PTPRD: variants seen among roughly 807,000 people sequenced by gnomAD.
The protein encoded by PTPRD is receptor-type tyrosine-protein phosphatase delta.
PTPRD carries 34 observed loss-of-function variants against 214.5 expected under a neutral mutation model. The observed-to-expected ratio is 0.16, with a 90% CI of 0.12 to 0.21. PTPRD has a LOEUF of 0.21. Among genes scored for constraint, PTPRD ranks in the 10% least tolerant of loss-of-function variants. The probability of loss-of-function intolerance (pLI) is 1.00; values close to 1 mark genes in which losing one functional copy is unlikely to be tolerated. For missense variants in PTPRD, 2,545 were observed against 2,398.7 expected (o/e 1.06, Z -1.27); for synonymous variants, 1,128 against 845.7 (o/e 1.33, Z -5.79).
At chr9:10,215,129 A>G (rs189504360) in intron 3 of PTPRD, among the ~76,000 whole-genome samples, 65 of 152,184 alleles carry the variant, frequency 4.3e-4, no homozygotes, top group African/African-American at 1.4e-3. Context: ...ATTTTAAGAT[A>G]CTATTATCGA....
intron 14 of PTPRD, among the ~76,000 whole-genome samples, chr9:8,605,019 C>T (rs1001106585): frequency 6.6e-6 from 1 of 152,084 alleles, no homozygotes; most frequent in Admixed American, 6.5e-5. Flanking sequence ...AGTAACAAAA[C>T]AAAAATAAAC....
At chr9:8,740,990 A>G (rs2091771741) in intron 11 of PTPRD, among the ~76,000 whole-genome samples, 1 of 152,222 alleles carries the variant, frequency 6.6e-6, no homozygotes, top group South Asian at 2.1e-4. Context: ...GAGAAAAAAA[A>G]GTCAATAGCT....
intron 2 of PTPRD, among the ~76,000 whole-genome samples, chr9:10,470,032 G>A (rs753270160): frequency 3.9e-5 from 6 of 152,030 alleles, no homozygotes; most frequent in South Asian, 2.1e-4. Context: ...ATAAAGAGGC[G>A]TTGGTTAACA....
intron 2 of PTPRD, among the ~76,000 whole-genome samples, chr9:10,483,941 A>T (rs2099116318): frequency 6.6e-6 from 1 of 152,154 alleles, no homozygotes; most frequent in African/African-American, 2.4e-5. Flanking sequence ...ATCCAAAGGG[A>T]ATTAAATCAT....
At chr9:9,672,315 A>C (rs1007943733) in intron 7 of PTPRD, among the ~76,000 whole-genome samples, 2 of 152,302 alleles carry the variant, frequency 1.3e-5, no homozygotes. Context: ...ATGGGCAAAA[A>C]ATAAAAATAA....
chr9:9,620,690 A>C (rs181660258), intron 7 of PTPRD, among the ~76,000 whole-genome samples: 128 of 152,252 alleles, frequency 8.4e-4, no homozygotes, highest in Non-Finnish European at 1.6e-3. Context: ...TTTTGACACA[A>C]TTAAAACAGG....
chr9:10,111,527 C>G (rs1159172489), intron 3 of PTPRD, among the ~76,000 whole-genome samples: 1 of 151,992 alleles, frequency 6.6e-6, no homozygotes, highest in African/African-American at 2.4e-5. Flanking sequence ...CGTGAGCCAC[C>G]GCGCCCGGCC....
intron 4 of PTPRD, among the ~76,000 whole-genome samples, chr9:9,977,237 C>T (rs1450441665): frequency 6.6e-6 from 1 of 152,086 alleles, no homozygotes; most frequent in East Asian, 1.9e-4. Context: ...ACTGGGAGGT[C>T]TAAAGTAGAA....
chr9:9,695,950 T>G (rs1479207113), intron 7 of PTPRD, among the ~76,000 whole-genome samples: 1 of 152,152 alleles, frequency 6.6e-6, no homozygotes, highest in African/African-American at 2.4e-5. Context: ...TTTCAATTTT[T>G]TTTTAGTTTG....
intron 4 of PTPRD, among the ~76,000 whole-genome samples, chr9:9,973,966 A>G (rs2095255671): frequency 6.6e-6 from 1 of 152,182 alleles, no homozygotes; most frequent in Non-Finnish European, 1.5e-5. Context: ...TAAAAGAGGG[A>G]GAAAACATAT....
At chr9:9,733,259 G>T (rs956933441) in intron 7 of PTPRD, among the ~76,000 whole-genome samples, 3 of 152,172 alleles carry the variant, frequency 2.0e-5, no homozygotes, top group Non-Finnish European at 2.9e-5. Context: ...TTCTGGGAGG[G>T]ATGCAGACCC....
intron 9 of PTPRD, among the ~76,000 whole-genome samples, chr9:9,329,728 G>C (rs868521077): frequency 6.6e-6 from 1 of 152,136 alleles, no homozygotes; most frequent in Non-Finnish European, 1.5e-5. Flanking sequence ...ATGATTTAGA[G>C]GTTTGGTTCT....
chr9:8,673,823 G>A (rs984132432), intron 12 of PTPRD, among the ~76,000 whole-genome samples: 8 of 152,076 alleles, frequency 5.3e-5, no homozygotes, highest in African/African-American at 1.2e-4. Context: ...GACATTGGGG[G>A]CTGCATGATT....
chr9:8,397,670 C>G (rs1456063480), intron 36 of PTPRD, among the ~76,000 whole-genome samples: 1 of 152,116 alleles, frequency 6.6e-6, no homozygotes, highest in Non-Finnish European at 1.5e-5. Context: ...ACAACTGAAA[C>G]CTAGAGCACT....
In PTPRD at chr9:10,392,914, A is replaced by G. The variant is rs2098097796; in HGVS notation, c.-599-51897T>C. Among the ~76,000 whole-genome samples the G allele has an allele frequency of 2.0e-5, 3 of 151,804 alleles. No homozygotes were observed. The South Asian group carries it at 6.2e-4, about 31-fold the overall frequency. Reference sequence around the variant, plus strand: ...GTGGGTGGAGTAGGCAGGTCTTGGTATAGAATCCTGTGATTCATCACAGTG... The same window carrying G: ...GTGGGTGGAGTAGGCAGGTCTTGGTGTAGAATCCTGTGATTCATCACAGTG... On this transcript the variant is annotated intron_variant, in intron 2 of 45. Transcript: ENST00000381196.
intron 2 of PTPRD, among the ~76,000 whole-genome samples, chr9:10,511,772 C>A (rs1327147678): frequency 2.0e-5 from 3 of 149,410 alleles, no homozygotes; most frequent in Admixed American, 6.7e-5. Context: ...TTTCATTTTA[C>A]GTTATATATC....
intron 11 of PTPRD, among the ~76,000 whole-genome samples, chr9:8,793,688 G>C (rs2096309447): frequency 6.6e-6 from 1 of 151,994 alleles, no homozygotes; most frequent in African/African-American, 2.4e-5. Context: ...ATAATATTCT[G>C]TTAGACATCA....
At chr9:8,819,817 T>A (rs1304856515) in intron 11 of PTPRD, among the ~76,000 whole-genome samples, 1 of 152,096 alleles carries the variant, frequency 6.6e-6, no homozygotes, top group Non-Finnish European at 1.5e-5. Flanking sequence ...ACCAGATAAT[T>A]CCTTCAACTG....
intron 10 of PTPRD, among the ~76,000 whole-genome samples, chr9:9,097,052 C>G (rs1023842965): frequency 1.3e-5 from 2 of 152,144 alleles, no homozygotes; most frequent in African/African-American, 4.8e-5. Context: ...CATCAAAATA[C>G]ACATTTCACT....
Sources: allele counts gnomAD v4.1 joint callset (sites outside exome capture counted in the v4.1 genomes callset), GRCh38; gene constraint gnomAD v4.1.1; transcripts MANE v1.5; gene names NCBI Gene and HGNC (gene_info 2026-07-23, HGNC 2026-07-21).